The following HERC1 variants were observed in gnomAD, a reference collection of about 807,000 sequenced individuals.
HERC1 encodes HECT and RLD domain containing E3 ubiquitin protein ligase family member 1.
HERC1 carries 160 observed loss-of-function variants against 554.3 expected under a neutral mutation model. The ratio of observed to expected loss-of-function variants is 0.29; its 90% CI spans 0.25 to 0.33. The LOEUF (loss-of-function observed/expected upper bound fraction) is 0.33. Ranked by LOEUF, HERC1 falls within the 10% of genes least tolerant of loss-of-function variation. The probability of loss-of-function intolerance (pLI) is 1.00; values close to 1 mark genes in which losing one functional copy is unlikely to be tolerated. For synonymous variants in HERC1, 2,175 were observed against 2,131.7 expected (o/e 1.02, Z -0.56); for missense variants, 4,919 against 5,918.5 (o/e 0.83, Z 5.54).
chr15:63,714,160 C>T (rs1331037541), intron 22 of HERC1, among the ~76,000 whole-genome samples: 5 of 151,676 alleles, frequency 3.3e-5, no homozygotes, highest in Non-Finnish European at 7.4e-5. Flanking sequence ...ATTTCTGAAA[C>T]GTTCACAAGC....
chr15:63,623,819 C>T lies in HERC1; in HGVS notation c.13517G>A (p.Arg4506His). The change falls in exon 73 of 78, where the codon CGC (arginine) becomes CAC (histidine). Residue 4506 changes from arginine to histidine, a missense_variant. Physicochemically the swap from Arg to His is conservative, Grantham distance 29. Transcript: ENST00000443617. ...QVVKLNASDL[R>H]LPSRAWKVKL... Reference sequence around the variant, plus strand: ...AACCTTCCACGCTCGGGAAGGCAGGCGGAGGTCTGAAGCATTCAGCTTAAC... The same window carrying T: ...AACCTTCCACGCTCGGGAAGGCAGGTGGAGGTCTGAAGCATTCAGCTTAAC... 1.2e-6 allele frequency: 2 copies of T among 1,613,954 alleles called. No homozygotes were observed. The highest frequency in any genetic ancestry group is 1.1e-5 in the South Asian group (1 of 91,070).
chr15:63,620,744 T>C (rs946000765), intron 74 of HERC1, among the ~76,000 whole-genome samples: 13 of 152,328 alleles, frequency 8.5e-5, no homozygotes, highest in East Asian at 3.9e-4. Context: ...TTTACCATTA[T>C]GTAATGGCCT....
At chr15:63,748,057 C>T (rs1596143946) in intron 10 of HERC1, among the ~76,000 whole-genome samples, 199 bp from the exon 11 acceptor site, 1 of 152,066 alleles carries the variant, frequency 6.6e-6, no homozygotes, top group South Asian at 2.1e-4. Context: ...GAAAACCCAT[C>T]TCTACTAAAA....
At position 63,674,964 on chromosome 15, in the gene HERC1, T is replaced by C. The variant is rs200717910; in HGVS notation, c.7224A>G (p.Lys2408=). Residue 2408 remains lysine, a synonymous_variant, in exon 38 of 78, where the codon AAA becomes AAG. Transcript: ENST00000443617. ...YLTGVHEDMG[K]QSTKRHEKKH... is the part of the protein sequence containing the mutation. ...TCTTTTCATGTCGTTTGGTGCTCTG[T>C]TTGCCCATGTCTTCATGAACGCCAG... 6 of 1,614,018 alleles carry C rather than the reference T, an allele frequency of 3.7e-6. No individual in the cohort carries two copies. In the Admixed American group the frequency reaches 1.0e-4, roughly 27 times the overall value.
intron 12 of HERC1, among the ~76,000 whole-genome samples, chr15:63,735,302 T>TG (rs903371901): frequency 6.8e-6 from 1 of 146,472 alleles, no homozygotes; most frequent in Non-Finnish European, 1.5e-5. Flanking sequence ...TATGGGCTCA[T>TG]GGAAGATATC....
intron 70 of HERC1, 88 bp downstream of exon 70, chr15:63,628,589 G>C: frequency 7.5e-7 from 1 of 1,336,596 alleles, no homozygotes; most frequent in Non-Finnish European, 1.0e-6. Context: ...AACGATGCTG[G>C]ATACAGTTGG....
rs765619524 is a variant in HERC1 at position 63,674,469 on chromosome 15, T to C, written c.7719A>G (p.Arg2573=). Residue 2573 remains arginine (R), a synonymous_variant, in exon 38 of 78, where the codon CGA becomes CGG. Transcript: ENST00000443617. The stretch of plus-strand genomic sequence containing the variant: ...TCTTTATGGGTGACCGCATGACTGC[T>C]CGCTTCACCATGTGTCGCATCAAGA... ...LQFLMRHMVK[R]AVMRSPIKRA... is the part of the protein sequence containing the mutation. 9 of 1,613,956 alleles carry C rather than the reference T, an allele frequency of 5.6e-6. No homozygotes were observed. In the East Asian group the frequency reaches 1.6e-4, roughly 28 times the overall value.
In HERC1 at chr15:63,734,450, T is replaced by C. The variant is rs901091189; in HGVS notation, c.2646+274A>G. 6.6e-6 allele frequency among the ~76,000 whole-genome samples: 1 copy of C among 152,140 alleles called. No homozygotes were observed. The highest frequency in any genetic ancestry group is 1.5e-5 in the Non-Finnish European group (1 of 68,002). ...ACATACACTTGATTTCAACTCAGCA[T>C]ACTACAAATAAACCACAGAGTGTCT... is the stretch of plus-strand genomic sequence containing the variant. On this transcript the variant is annotated intron_variant, in intron 13 of 77. Coordinates refer to ENST00000443617, the MANE Select transcript of HERC1 (RefSeq NM_003922.4). This position sits in a 1 kb window ranked among gnomAD's most constrained non-coding sequence, Gnocchi z 4.6.
At chr15:63,627,888 AAAAC>A (rs2068372472) in intron 70 of HERC1, among the ~76,000 whole-genome samples, 5 of 152,240 alleles carry the variant, frequency 3.3e-5, no homozygotes, top group Admixed American at 3.3e-4. Context: ...AATTAAAAAT[AAAAC>A]AAACAACAAA....
Position 63,674,545 on chromosome 15 carries a change from G to A in HERC1, c.7643C>T (p.Ala2548Val), listed in dbSNP as rs981728392. The A allele has an allele frequency of 8.7e-6, 14 of 1,612,994 alleles. No homozygotes were observed. The highest frequency in any genetic ancestry group is 1.1e-5 in the Non-Finnish European group (13 of 1,179,382). The change falls in exon 38 of 78, where the codon GCA becomes GTA. Residue 2548 changes from alanine to valine, a missense_variant. Ala to Val is a moderately conservative substitution (Grantham distance 64). Transcript: ENST00000443617. ...GTCTTCATGAACAACTGGAGAACTT[G>A]CACAGTCTGAGTTGTGGCCATTTTC... ...LAENGHNSDC[A>V]SSPVVHEDVE...
chr15:63,626,118 G>A lies in HERC1; in HGVS notation c.13142C>T (p.Thr4381Ile), dbSNP rs939196743. 3.9e-5 allele frequency: 63 copies of A among 1,613,568 alleles called. No homozygotes were observed. Among genetic ancestry groups the A allele is most frequent in the Non-Finnish European group, 5.3e-5 (63 of 1,179,800 alleles). Residue 4381 changes from threonine (T) to isoleucine (I), a missense_variant, in exon 71 of 78, where the codon ACA (threonine) becomes ATA (isoleucine). Around this residue, in one of 11 missense-constraint regions of HERC1, gnomAD observed 410 missense variants for 467.0 expected, o/e 0.88. Coordinates refer to ENST00000443617, the MANE Select transcript of HERC1 (RefSeq NM_003922.4). ...CAGCGCCCCATACTGGGGGGGCACT[G>A]TGTCAGGCAGGCCCAGCTGCAGAGG... ...SVPLQLGLPD[T>I]VPPQYGALRE...
rs528945284 is a variant in HERC1, at chr15:63,733,207, A to G, written c.2647-62T>C. On this transcript the variant is annotated intron_variant, in intron 13 of 77. Coordinates refer to ENST00000443617, the MANE Select transcript of HERC1 (RefSeq NM_003922.4). ...AATATGCACTAGAAAAGAACACAAA[A>G]GGATCCCAGAAAAAAACTATACTAA... 6.5e-5 allele frequency: 71 copies of G among 1,091,976 alleles called. 1 individual carries two copies. The East Asian group carries it at 1.6e-3, about 25-fold the overall frequency. 67.6% of individuals were successfully genotyped at this position (1,091,976 alleles called of 1,614,324 possible).
chr15:63,801,825 A>C (rs74776045), intron 1 of HERC1, among the ~76,000 whole-genome samples: 4,712 of 152,166 alleles, frequency 0.031, 235 homozygotes, highest in African/African-American at 0.11. Flanking sequence ...ATGTACATAC[A>C]TTTTTGGATC....
At chr15:63,706,030 C>A (rs1404309438) in intron 25 of HERC1, among the ~76,000 whole-genome samples, 183 of 46,720 alleles carry the variant, frequency 3.9e-3, no homozygotes, top group East Asian at 0.034. Flanking sequence ...ACCCTGTCTC[C>A]AAAAAAAAAA....
Position 63,612,169 on chromosome 15 carries a change from C to G in HERC1, c.14400+82G>C, listed in dbSNP as rs992794855. ...TGCCACTGCACTCCAGCCTGGGCCACAGAGTGAGACCCTGTCTCAACAAAA... is the reference window on the plus strand; with the variant it reads ...TGCCACTGCACTCCAGCCTGGGCCAGAGAGTGAGACCCTGTCTCAACAAAA... On this transcript the variant is annotated intron_variant, in intron 77 of 77. Coordinates refer to ENST00000443617, the MANE Select transcript of HERC1 (RefSeq NM_003922.4). The surrounding 1 kb of genome is among the most constrained non-coding windows in gnomAD (Gnocchi z 5.0). 1.2e-5 allele frequency: 15 copies of G among 1,273,148 alleles called. No individual in the cohort carries two copies. The African/African-American group carries it at 2.2e-4, about 19-fold the overall frequency. 78.9% of individuals were successfully genotyped at this position (1,273,148 alleles called of 1,614,324 possible). A position where few individuals can be genotyped will look rare whatever the true frequency, so the allele number is the denominator to read the frequency against.
rs1397480905 is a variant in HERC1 at position 63,732,951 on chromosome 15, G to A, written c.2841C>T (p.Thr947=). The A allele has an allele frequency of 2.5e-6, 4 of 1,612,480 alleles. No homozygotes were observed. Among genetic ancestry groups the A allele is most frequent in the Non-Finnish European group, 3.4e-6 (4 of 1,178,702 alleles). ...TATAAAATCCTAAATTTCTTAAGAGGGTCTTCATCAAAATTTCAGCCAGGT... is the reference window on the plus strand; with the variant it reads ...TATAAAATCCTAAATTTCTTAAGAGAGTCTTCATCAAAATTTCAGCCAGGT... The part of the protein sequence containing the change: ...DTHLAEILMK[T]LLRNLGFYTD... The change falls in exon 14 of 78, where the codon ACC becomes ACT. Residue 947 remains threonine, a synonymous_variant. Coordinates refer to ENST00000443617, the MANE Select transcript of HERC1 (RefSeq NM_003922.4).
At chr15:63,812,944 A>G (rs934178905) in intron 1 of HERC1, among the ~76,000 whole-genome samples, 19 of 152,294 alleles carry the variant, frequency 1.2e-4, no homozygotes, top group Admixed American at 1.2e-3. Context: ...AAAATACCAG[A>G]AAGATTTTTT....
chr15:63,777,496 A>C (rs1015084952), intron 1 of HERC1, among the ~76,000 whole-genome samples: 2 of 152,146 alleles, frequency 1.3e-5, no homozygotes, highest in African/African-American at 4.8e-5. Flanking sequence ...TTGTTACTCT[A>C]ATTTGTATTT....
rs746059923 is a variant in HERC1 at position 63,755,260 on chromosome 15, G to A, written c.1599C>T (p.Tyr533=). The change falls in exon 6 of 78, where the codon TAC becomes TAT. Residue 533 remains tyrosine, a synonymous_variant. Transcript: ENST00000443617. The part of the protein sequence containing the change: ...SAAVTEDGEL[Y]TWGEGDFGRL... ...TTCCAAAGTCTCCTTCACCCCATGTGTATAATTCCCCATCCTCTGTGACAG... is the reference window on the plus strand; with the variant it reads ...TTCCAAAGTCTCCTTCACCCCATGTATATAATTCCCCATCCTCTGTGACAG... 4.3e-6 allele frequency: 7 copies of A among 1,613,388 alleles called. No homozygotes were observed. The highest frequency in any genetic ancestry group is 1.7e-5 in the Admixed American group (1 of 60,014).
Sources: gnomAD v4.1 joint callset for allele counts (sites outside exome capture counted in the v4.1 genomes callset) on GRCh38, gnomAD v4.1.1 for gene constraint, gnomAD v4.1.1 regional missense constraint, Gnocchi (gnomAD v3.1) non-coding constraint, MANE v1.5 for transcripts, NCBI Gene and HGNC (gene_info 2026-07-23, HGNC 2026-07-21) for gene names.